HDAC9: variants seen among roughly 807,000 people sequenced by gnomAD.
HDAC9 encodes histone deacetylase 9.
In HDAC9, 41 loss-of-function variants were observed where a neutral mutation model predicts 139.4. That is an observed-to-expected ratio of 0.29 (90% CI 0.23 to 0.38). The LOEUF (loss-of-function observed/expected upper bound fraction) is 0.38, where lower values mean the gene tolerates loss of function less well. Ranked by LOEUF, HDAC9 falls within the 10% of genes least tolerant of loss-of-function variation. The pLI is 1.00. For missense variants in HDAC9, 1,147 were observed against 1,297.0 expected, an observed-to-expected ratio of 0.88 and a Z score of 1.78; for synonymous variants, 517 against 476.2, an observed-to-expected ratio of 1.09 and a Z score of -1.12.
At chr7:18,829,634 T>G in intron 19 of HDAC9, 86 bp downstream of exon 19, 2 of 841,980 alleles carry the variant, frequency 2.4e-6, no homozygotes, top group Non-Finnish European at 3.8e-6. Context: ...TTGTCTTGCT[T>G]TTAGCACTTG....
At chr7:18,623,833 T>C (rs1382285638) in intron 6 of HDAC9, among the ~76,000 whole-genome samples, 1 of 151,952 alleles carries the variant, frequency 6.6e-6, no homozygotes, top group Non-Finnish European at 1.5e-5. Context: ...TCCCAGCTAC[T>C]TGGGAGGCTG....
chr7:18,110,697 T>C (rs1783555728), intron 1 of HDAC9, among the ~76,000 whole-genome samples: 1 of 152,174 alleles, frequency 6.6e-6, no homozygotes. Context: ...TAGTCACAAT[T>C]TTAAGCAATT....
intron 17 of HDAC9, among the ~76,000 whole-genome samples, chr7:18,824,047 A>AGAG (rs763792667): frequency 0.041 from 5,426 of 132,770 alleles, 328 homozygotes; most frequent in African/African-American, 0.15. Context: ...AGGAAGAGGA[A>AGAG]GAAGAAGAAG....
intron 13 of HDAC9, among the ~76,000 whole-genome samples, chr7:18,729,898 T>G (rs1785891450): frequency 6.6e-6 from 1 of 152,162 alleles, no homozygotes; most frequent in Admixed American, 6.5e-5. Flanking sequence ...GAATATTAAT[T>G]TCATAATAAA....
chr7:18,835,838 C>T lies in HDAC9; in HGVS notation c.2587-62C>T, dbSNP rs924929111. 2.8e-5 allele frequency: 33 copies of T among 1,192,424 alleles called. No homozygotes were observed. The African/African-American group carries it at 4.0e-4, about 14-fold the overall frequency. 73.9% of individuals were successfully genotyped at this position (1,192,424 alleles called of 1,614,324 possible). A position where few individuals can be genotyped will look rare whatever the true frequency, so the allele number is the denominator to read the frequency against. ...AGCTCCCATGTGCTTGTTTTCCTCT[C>T]TTCTTGCTTTCTTCCATTTGCTCTC... On this transcript the variant is annotated intron_variant, in intron 20 of 25. Transcript: ENST00000686413.
intron 1 of HDAC9, among the ~76,000 whole-genome samples, chr7:18,472,991 G>T (rs955164273): frequency 6.6e-6 from 1 of 152,088 alleles, no homozygotes; most frequent in Non-Finnish European, 1.5e-5. Flanking sequence ...CAATCCATAT[G>T]CACAGCAATC....
chr7:18,250,529 C>T (rs1584844378), intron 2 of HDAC9, among the ~76,000 whole-genome samples: 2 of 152,160 alleles, frequency 1.3e-5, no homozygotes, highest in Non-Finnish European at 2.9e-5. Flanking sequence ...TAGTCTATCA[C>T]CAACATGAGG....
chr7:18,479,978 CTCTG>C (rs1795418773), intron 1 of HDAC9, among the ~76,000 whole-genome samples: 1 of 147,854 alleles, frequency 6.8e-6, no homozygotes, highest in Non-Finnish European at 1.5e-5. Flanking sequence ...ATAAATTCCA[CTCTG>C]TCTTTTTTTT....
rs904143541 is a variant in HDAC9 at position 18,104,038 on chromosome 7, C to T, written c.-97+16825C>T. Among the ~76,000 whole-genome samples, 8 of 152,166 alleles carry T rather than the reference C, an allele frequency of 5.3e-5. No individual in the cohort carries two copies. In the East Asian group the frequency reaches 7.7e-4, roughly 15 times the overall value. Reference sequence around the variant, plus strand: ...CATTCAGACCGAGACTGTGTAGACACGCTGATTCACCTAACATGCACAGCT... The same window carrying T: ...CATTCAGACCGAGACTGTGTAGACATGCTGATTCACCTAACATGCACAGCT... On this transcript the variant is annotated intron_variant, in intron 1 of 12. Coordinates refer to the HDAC9 transcript ENST00000417496.
chr7:18,136,472 AT>A (rs1319403503), intron 1 of HDAC9, among the ~76,000 whole-genome samples: 1 of 152,082 alleles, frequency 6.6e-6, no homozygotes, highest in Non-Finnish European at 1.5e-5. Context: ...TCTTGAATTG[AT>A]TTTTGTATAA....
chr7:18,766,406 AT>A (rs1789836060), intron 15 of HDAC9, among the ~76,000 whole-genome samples: 3 of 152,212 alleles, frequency 2.0e-5, no homozygotes, highest in Non-Finnish European at 4.4e-5. Context: ...GTTCTAAGAG[AT>A]ACTCACAATT....
At chr7:18,437,171 G>A (rs1188339372) in intron 1 of HDAC9, among the ~76,000 whole-genome samples, 2 of 152,154 alleles carry the variant, frequency 1.3e-5, no homozygotes, top group Non-Finnish European at 2.9e-5. Flanking sequence ...TTTAAGGTCT[G>A]AGGGTAGAAG....
intron 1 of HDAC9, among the ~76,000 whole-genome samples, chr7:18,449,446 G>C (rs1374460936): frequency 6.6e-6 from 1 of 152,126 alleles, no homozygotes; most frequent in African/African-American, 2.4e-5. Context: ...TAAAAGTCTG[G>C]CTAGTAGTTA....
rs183702433 is a variant in HDAC9 at position 18,576,652 on chromosome 7, A to G, written c.23-8629A>G. Among the ~76,000 whole-genome samples the G allele has an allele frequency of 4.2e-3, 573 of 135,042 alleles. 5 individuals are homozygous for G. Among genetic ancestry groups the G allele is most frequent in the African/African-American group, 0.019 (545 of 29,390 alleles). The allele number at this position is 135,042 out of a possible 152,430, so 88.6% of individuals were successfully genotyped here. ...ACTCCAGCTGTCAGAGTGAGACTTC[A>G]TGTCAAAAAAAAAAAAAAAAATCAG... On this transcript the variant is annotated intron_variant, in intron 2 of 25. Coordinates refer to ENST00000686413, the MANE Select transcript of HDAC9 (RefSeq NM_178425.4).
At chr7:18,916,022 G>GAA (rs55866735) in intron 22 of HDAC9, among the ~76,000 whole-genome samples, 1,948 of 138,124 alleles carry the variant, frequency 0.014, 22 homozygotes, top group African/African-American at 0.021. Flanking sequence ...CCCCCCGCTG[G>GAA]AAAAAAAAAA....
intron 2 of HDAC9, among the ~76,000 whole-genome samples, chr7:18,502,008 T>A (rs1167311020): frequency 6.6e-6 from 1 of 152,184 alleles, no homozygotes; most frequent in African/African-American, 2.4e-5. Context: ...AGGTCCTTCA[T>A]ATAGCTCCAC....
intron 1 of HDAC9, among the ~76,000 whole-genome samples, chr7:18,113,485 C>T (rs1030902994): frequency 2.0e-5 from 3 of 152,136 alleles, no homozygotes; most frequent in African/African-American, 4.8e-5. Flanking sequence ...ACGAGATGAT[C>T]AGAAATGGGA....
At chr7:18,232,292 C>A (rs964342231) in intron 2 of HDAC9, among the ~76,000 whole-genome samples, 1 of 151,994 alleles carries the variant, frequency 6.6e-6, no homozygotes, top group Non-Finnish European at 1.5e-5. Context: ...CCCAGGGTTG[C>A]AGTGTAATTA....
At chr7:18,747,952 T>A (rs1788125325) in intron 13 of HDAC9, among the ~76,000 whole-genome samples, 1 of 152,210 alleles carries the variant, frequency 6.6e-6, no homozygotes, top group Non-Finnish European at 1.5e-5. Context: ...GGTGCTTATC[T>A]ATTCCTGAAG....
Sources: gnomAD v4.1 joint callset for allele counts (sites outside exome capture counted in the v4.1 genomes callset) on GRCh38, gnomAD v4.1.1 for gene constraint, MANE v1.5 for transcripts, NCBI Gene and HGNC (gene_info 2026-07-23, HGNC 2026-07-21) for gene names.